The following PTK2B variants were observed in gnomAD, a reference collection of about 807,000 sequenced individuals.
PTK2B encodes the protein protein tyrosine kinase 2 beta.
In PTK2B, 71 loss-of-function variants were observed where a neutral mutation model predicts 142.9. The ratio of observed to expected loss-of-function variants is 0.50; its 90% CI spans 0.41 to 0.61. PTK2B has a LOEUF of 0.61. PTK2B is among the 20% of genes least tolerant of loss of function. The probability of loss-of-function intolerance (pLI) is 0.00; values close to 1 mark genes in which losing one functional copy is unlikely to be tolerated. For synonymous variants in PTK2B, 519 were observed against 503.4 expected, an observed-to-expected ratio of 1.03 and a Z score of -0.42; for missense variants, 1,105 against 1,320.4, an observed-to-expected ratio of 0.84 and a Z score of 2.53.
intron 3 of PTK2B, among the ~76,000 whole-genome samples, chr8:27,320,369 GA>G (rs1803184702): frequency 6.6e-6 from 1 of 152,102 alleles, no homozygotes; most frequent in Admixed American, 6.5e-5. Flanking sequence ...TCTACCTGGA[GA>G]TAGCATCAGA....
intron 23 of PTK2B, 85 bp downstream of exon 23, chr8:27,444,356 G>T: frequency 6.8e-7 from 1 of 1,472,274 alleles, no homozygotes; most frequent in Non-Finnish European, 9.5e-7. Context: ...TAGAGGAGCA[G>T]CAGTCACCCA....
At position 27,436,361 on chromosome 8, in the gene PTK2B, A is replaced by G. The variant is rs754981518; in HGVS notation, c.1341+13A>G. ...CTACACAAATCACGTGAGTTCTAGG[A>G]TCTTCCCTTACACTCCTCTTCCACA... On this transcript the variant is annotated intron_variant, in intron 15 of 30. Coordinates refer to ENST00000346049, the MANE Select transcript of PTK2B (RefSeq NM_173176.3). 6.3e-7 allele frequency: 1 copy of G among 1,596,138 alleles called. No homozygotes were observed. Among genetic ancestry groups the G allele is most frequent in the African/African-American group, 1.3e-5 (1 of 74,490 alleles).
At chr8:27,313,751 C>G (rs1803034113) in intron 3 of PTK2B, among the ~76,000 whole-genome samples, 4 of 152,214 alleles carry the variant, frequency 2.6e-5, no homozygotes, top group Admixed American at 2.6e-4. Context: ...CATGCCCAAG[C>G]TCACTCACCC....
rs376665263 is a variant in PTK2B, at chr8:27,316,596, G to A, written c.-414+3309G>A. Among the ~76,000 whole-genome samples the A allele has an allele frequency of 3.3e-5, 5 of 152,300 alleles. No homozygotes were observed. The South Asian group carries it at 6.2e-4, about 19-fold the overall frequency. Reference sequence around the variant, plus strand: ...CCACAGGGCTGGCAGCAGCATCTTCGGAAACAGGCATCCTGGCACTGCAGA... The same window carrying A: ...CCACAGGGCTGGCAGCAGCATCTTCAGAAACAGGCATCCTGGCACTGCAGA... On this transcript the variant is annotated intron_variant, in intron 3 of 35. Transcript: ENST00000397501.
chr8:27,368,334 G>T (rs528737360), intron 1 of PTK2B, among the ~76,000 whole-genome samples: 52 of 152,130 alleles, frequency 3.4e-4, no homozygotes, highest in African/African-American at 1.2e-3. Flanking sequence ...CTGCTCCTTG[G>T]CCTGCTAAGC....
At chr8:27,365,493 A>G (rs1056730648) in intron 1 of PTK2B, among the ~76,000 whole-genome samples, 1 of 152,184 alleles carries the variant, frequency 6.6e-6, no homozygotes, top group Admixed American at 6.5e-5. Flanking sequence ...CAATATGGCA[A>G]AGTCCTGTAT....
chr8:27,452,450 C>G (rs577338868), intron 27 of PTK2B: 1 of 152,112 alleles, frequency 6.6e-6, no homozygotes, highest in East Asian at 1.9e-4. Flanking sequence ...TGCCTGCAAG[C>G]CCAGCGGCTC....
intron 1 of PTK2B, among the ~76,000 whole-genome samples, chr8:27,373,505 T>A (rs546571723): frequency 2.6e-5 from 4 of 152,062 alleles, no homozygotes; most frequent in Admixed American, 6.5e-5. Flanking sequence ...CTCTATATTG[T>A]GTAAGTTTAT....
Position 27,435,736 on chromosome 8 carries a change from G to C in PTK2B, c.1193-7G>C. On this transcript the variant is annotated splice_polypyrimidine_tract_variant and splice_region_variant and intron_variant, in intron 13 of 30. Coordinates refer to ENST00000346049, the MANE Select transcript of PTK2B (RefSeq NM_173176.3). ...GTCCACGGCTGAGCCTCTTCCTGTT[G>C]TTCCAGAGTCAGACATCTACGCAGA... is the stretch of plus-strand genomic sequence containing the variant. 6.2e-7 allele frequency: 1 copy of C among 1,614,138 alleles called. No individual in the cohort carries two copies. The highest frequency in any genetic ancestry group is 8.5e-7 in the Non-Finnish European group (1 of 1,180,028).
rs550426438 is a variant in PTK2B at position 27,426,694 on chromosome 8, C to T, written c.552-3399C>T. Among the ~76,000 whole-genome samples, 3 of 152,264 alleles carry T rather than the reference C, an allele frequency of 2.0e-5. No individual in the cohort carries two copies. In the South Asian group the frequency reaches 6.2e-4, roughly 32 times the overall value. On this transcript the variant is annotated intron_variant, in intron 5 of 30. Transcript: ENST00000346049. ...CAATGGTGACTATATAAATGATCTT[C>T]GATGCCTGAGAGAAGGGCCATTTGG...
intron 2 of PTK2B, among the ~76,000 whole-genome samples, chr8:27,409,950 G>A (rs1808956415): frequency 1.3e-5 from 2 of 152,166 alleles, no homozygotes; most frequent in South Asian, 4.1e-4. Context: ...TCGAACTCCT[G>A]ACCTCAGGTG....
intron 13 of PTK2B, among the ~76,000 whole-genome samples, 155 bp downstream of exon 13, chr8:27,434,714 A>C (rs1810667485): frequency 6.6e-6 from 1 of 152,096 alleles, no homozygotes; most frequent in Non-Finnish European, 1.5e-5. Context: ...AAATATCGTG[A>C]ATTATGGCTG....
In PTK2B at chr8:27,439,352, C is replaced by T. The variant is rs778858052; in HGVS notation, c.1788C>T (p.Ser596=). The T allele has an allele frequency of 5.0e-6, 8 of 1,614,124 alleles. No homozygotes were observed. The East Asian group carries it at 1.3e-4, about 27-fold the overall frequency. The change falls in exon 20 of 31, where the codon TCC becomes TCT. Residue 596 remains serine, a synonymous_variant. Transcript: ENST00000346049. ...CCATCAAATGGATGTCCCCAGAGTC[C>T]ATTAACTTCCGACGCTTCACGACAG... ...RLPIKWMSPE[S]INFRRFTTAS...
intron 1 of PTK2B, among the ~76,000 whole-genome samples, chr8:27,358,226 T>C (rs1198388571): frequency 2.0e-5 from 3 of 152,214 alleles, no homozygotes; most frequent in African/African-American, 7.2e-5. Flanking sequence ...TAGGTTCAGC[T>C]GAGTTAAGCC....
At chr8:27,321,856 T>C (rs1803224672), upstream of PTK2B, among the ~76,000 whole-genome samples, 1 of 152,232 alleles carries the variant, frequency 6.6e-6, no homozygotes, top group South Asian at 2.1e-4. Context: ...TTGAGTTCTA[T>C]TCAAGCCATA....
At chr8:27,442,532 G>T (rs1420697138) in intron 21 of PTK2B, among the ~76,000 whole-genome samples, 2 of 152,218 alleles carry the variant, frequency 1.3e-5, no homozygotes, top group Non-Finnish European at 2.9e-5. Flanking sequence ...TCTACATAGG[G>T]GTTTGGTGCC....
At chr8:27,344,533 A>G (rs1419501039) in intron 1 of PTK2B, among the ~76,000 whole-genome samples, 1 of 152,246 alleles carries the variant, frequency 6.6e-6, no homozygotes, top group Non-Finnish European at 1.5e-5. Flanking sequence ...GGTGTGCTGC[A>G]TGTAATAAGT....
At chr8:27,429,783 G>A (rs1810294572) in intron 5 of PTK2B, among the ~76,000 whole-genome samples, 1 of 152,130 alleles carries the variant, frequency 6.6e-6, no homozygotes, top group Non-Finnish European at 1.5e-5. Context: ...TCAAGCATTG[G>A]CTGCCTTGGG....
At chr8:27,431,080 C>G in intron 8 of PTK2B, 64 bp downstream of exon 8, 2 of 1,567,028 alleles carry the variant, frequency 1.3e-6, no homozygotes, top group Non-Finnish European at 1.7e-6. Flanking sequence ...AAAAGGGGGC[C>G]AGGAGGGGGC....
Sources: allele counts gnomAD v4.1 joint callset (sites outside exome capture counted in the v4.1 genomes callset), GRCh38; gene constraint gnomAD v4.1.1; transcripts MANE v1.5; gene names NCBI Gene and HGNC (gene_info 2026-07-23, HGNC 2026-07-21).